Variants in DCC observed in about 807,000 individuals in gnomAD.
DCC encodes netrin receptor DCC.
Under a neutral mutation model 172.5 loss-of-function variants are expected in DCC, and 58 were observed. That is an observed-to-expected ratio of 0.34 (90% CI 0.27 to 0.42). DCC has a LOEUF of 0.42. Among genes scored for constraint, DCC ranks in the 10% least tolerant of loss-of-function variants. DCC has a pLI of 1.00. For synonymous variants in DCC, 709 were observed against 644.5 expected, an observed-to-expected ratio of 1.10 and a Z score of -1.52; for missense variants, 1,740 against 1,791.0, an observed-to-expected ratio of 0.97 and a Z score of 0.51.
At chr18:52,654,937 C>T (rs1329381733) in intron 1 of DCC, among the ~76,000 whole-genome samples, 1 of 152,154 alleles carries the variant, frequency 6.6e-6, no homozygotes, top group African/African-American at 2.4e-5. Flanking sequence ...TCTACTGTTG[C>T]TATAAGCATA....
At chr18:52,604,898 C>T (rs563587943) in intron 1 of DCC, among the ~76,000 whole-genome samples, 37 of 152,170 alleles carry the variant, frequency 2.4e-4, no homozygotes, top group African/African-American at 7.2e-4. Context: ...ATAGTATTCC[C>T]AGTTGGTATG....
chr18:53,450,788 C>T, intron 23 of DCC, 126 bp downstream of exon 23: 1 of 828,914 alleles, frequency 1.2e-6, no homozygotes, highest in South Asian at 1.4e-5. Context: ...CTGGCAAAAC[C>T]TTGCGTTTTG....
chr18:53,104,265 T>G (rs2043213733), intron 7 of DCC, among the ~76,000 whole-genome samples: 2 of 152,014 alleles, frequency 1.3e-5, no homozygotes, highest in South Asian at 4.1e-4. Flanking sequence ...ACCCAAATCT[T>G]GTCCTGAATA....
chr18:53,370,247 T>C (rs2058046982), intron 15 of DCC, among the ~76,000 whole-genome samples: 4 of 151,816 alleles, frequency 2.6e-5, no homozygotes, highest in Admixed American at 2.0e-4. Flanking sequence ...TACAGTTGTT[T>C]CTAGTACTCT....
chr18:53,085,593 T>G (rs1372380048), intron 7 of DCC, among the ~76,000 whole-genome samples: 1 of 152,290 alleles, frequency 6.6e-6, no homozygotes, highest in South Asian at 2.1e-4. Flanking sequence ...GAAATATTAC[T>G]TAATCAAAGG....
chr18:52,926,788 T>C (rs1398200937), intron 5 of DCC, among the ~76,000 whole-genome samples: 1 of 148,022 alleles, frequency 6.8e-6, no homozygotes, highest in Non-Finnish European at 1.5e-5. Flanking sequence ...TCTCTATATA[T>C]ATACACACAC....
chr18:52,978,257 C>G (rs1841139705), intron 5 of DCC, among the ~76,000 whole-genome samples: 1 of 151,732 alleles, frequency 6.6e-6, no homozygotes, highest in South Asian at 2.1e-4. Context: ...AGGGGCAAAA[C>G]CAAAGACAAA....
At chr18:53,390,642 G>A (rs978098445) in intron 16 of DCC, among the ~76,000 whole-genome samples, 2 of 152,078 alleles carry the variant, frequency 1.3e-5, no homozygotes, top group Admixed American at 1.3e-4. Flanking sequence ...CTCAAAGTTA[G>A]GCTGTTACTG....
intron 1 of DCC, among the ~76,000 whole-genome samples, chr18:52,485,219 A>G (rs1375713676): frequency 6.6e-6 from 1 of 152,132 alleles, no homozygotes; most frequent in East Asian, 1.9e-4. Flanking sequence ...ATAAAGAAAT[A>G]TGGAACAGCC....
At chr18:53,123,280 C>A (rs112641844) in intron 7 of DCC, among the ~76,000 whole-genome samples, 1 of 151,908 alleles carries the variant, frequency 6.6e-6, no homozygotes, top group African/African-American at 2.4e-5. Context: ...ATTCACTGGG[C>A]GAAGTTGGGG....
chr18:52,404,818 C>T (rs1171554362), intron 1 of DCC, among the ~76,000 whole-genome samples: 1 of 127,732 alleles, frequency 7.8e-6, no homozygotes, highest in Non-Finnish European at 1.6e-5. Context: ...CCCCCTCCCC[C>T]CACCCGACAA....
chr18:52,409,808 T>A (rs886886923), intron 1 of DCC, among the ~76,000 whole-genome samples: 2 of 152,126 alleles, frequency 1.3e-5, no homozygotes, highest in African/African-American at 4.8e-5. Context: ...AAGAGGAGAT[T>A]GTCAGGTAGG....
intron 1 of DCC, among the ~76,000 whole-genome samples, chr18:52,660,618 A>C (rs185332369): frequency 6.6e-6 from 1 of 152,310 alleles, no homozygotes; most frequent in African/African-American, 2.4e-5. Flanking sequence ...ATTGTCGCCT[A>C]TAAGTCTTTC....
At chr18:53,432,261 T>C (rs775889388) in intron 21 of DCC, among the ~76,000 whole-genome samples, 14 of 152,182 alleles carry the variant, frequency 9.2e-5, no homozygotes, top group Non-Finnish European at 1.9e-4. Context: ...TTGGTTAATA[T>C]TAACCATAAA....
chr18:53,503,539 G>T (rs1279577619), intron 27 of DCC, among the ~76,000 whole-genome samples: 4 of 152,104 alleles, frequency 2.6e-5, no homozygotes, highest in Non-Finnish European at 5.9e-5. Context: ...CCACTTTCAG[G>T]TTAAATAGAA....
intron 1 of DCC, among the ~76,000 whole-genome samples, chr18:52,743,877 C>A (rs2036865586): frequency 6.6e-6 from 1 of 152,162 alleles, no homozygotes; most frequent in South Asian, 2.1e-4. Context: ...GGTTCAGCAC[C>A]CTTTTGCTGA....
At chr18:53,301,438 A>AC (rs928497764) in intron 12 of DCC, among the ~76,000 whole-genome samples, 5 of 152,172 alleles carry the variant, frequency 3.3e-5, no homozygotes, top group Admixed American at 6.5e-5. Context: ...CCACCTCAAA[A>AC]AAAAAAAACA....
Position 53,179,000 on chromosome 18 carries a change from A to T in DCC, c.1457A>T (p.Gln486Leu), listed in dbSNP as rs116498325. The T allele has an allele frequency of 4.8e-4, 777 of 1,614,080 alleles. 3 individuals are homozygous for T. The African/African-American group carries it at 8.9e-3, about 19-fold the overall frequency. The change falls in exon 9 of 29, where the codon CAG becomes CTG. Residue 486 changes from glutamine to leucine, a missense_variant. This residue lies in a region of DCC where 1,732 missense variants were observed against 1,767.4 expected (regional missense o/e 0.98). Coordinates refer to ENST00000442544, the MANE Select transcript of DCC (RefSeq NM_005215.4). ...AATACAACACAGCCTGGGTCCCTTC[A>T]GCTCACTGTGGGAAACCTGAAGCCA... is the stretch of plus-strand genomic sequence containing the variant. ...ALNTTQPGSLQLTVGNLKPEA... is the reference protein window; with the variant it reads ...ALNTTQPGSLLLTVGNLKPEA...
At chr18:52,909,931 C>A (rs2039945657) in intron 3 of DCC, among the ~76,000 whole-genome samples, 1 of 151,998 alleles carries the variant, frequency 6.6e-6, no homozygotes, top group Admixed American at 6.6e-5. Context: ...GAAGTATACA[C>A]CATGGAAAAA....
Sources: allele counts gnomAD v4.1 joint callset (sites outside exome capture counted in the v4.1 genomes callset), GRCh38; gene constraint gnomAD v4.1.1; regional missense constraint gnomAD v4.1.1; transcripts MANE v1.5; gene names NCBI Gene and HGNC (gene_info 2026-07-23, HGNC 2026-07-21).